The following IL4R variants were observed in gnomAD, a reference collection of about 807,000 sequenced individuals.
IL4R encodes interleukin 4 receptor, also known as interleukin-4 receptor subunit alpha.
Under a neutral mutation model 41.5 loss-of-function variants are expected in IL4R, and 17 were observed. That is an observed-to-expected ratio of 0.41 (90% CI 0.28 to 0.61). The LOEUF (loss-of-function observed/expected upper bound fraction) is 0.61, where lower values mean the gene tolerates loss of function less well. Ranked by LOEUF, IL4R falls within the 20% of genes least tolerant of loss-of-function variation. The probability of loss-of-function intolerance (pLI) is 0.31; values close to 1 mark genes in which losing one functional copy is unlikely to be tolerated. For missense variants in IL4R, 974 were observed against 1,043.1 expected (o/e 0.93, Z 0.91); for synonymous variants, 402 against 422.9 (o/e 0.95, Z 0.61).
At chr16:27,349,786 A>C (rs921126847) in intron 6 of IL4R, among the ~76,000 whole-genome samples, 4 of 152,130 alleles carry the variant, frequency 2.6e-5, no homozygotes, top group African/African-American at 4.8e-5. Context: ...GTCTCACTCT[A>C]TCACCCAGGC....
chr16:27,333,580 A>T (rs2085171822), intron 2 of IL4R, among the ~76,000 whole-genome samples: 1 of 152,068 alleles, frequency 6.6e-6, no homozygotes, highest in Non-Finnish European at 1.5e-5. Context: ...ACCTTTCAGG[A>T]TTCTTGTGTG....
intron 1 of IL4R, among the ~76,000 whole-genome samples, chr16:27,316,095 C>T (rs770594920): frequency 3.9e-5 from 6 of 152,154 alleles, no homozygotes; most frequent in South Asian, 2.1e-4. Flanking sequence ...ACAAGCTGGG[C>T]GCAGTGACTC....
At chr16:27,353,397 G>A (rs2085946939) in intron 7 of IL4R, among the ~76,000 whole-genome samples, 1 of 152,218 alleles carries the variant, frequency 6.6e-6, no homozygotes, top group African/African-American at 2.4e-5. Context: ...TTGAAATGCA[G>A]TTATAAAACA....
chr16:27,342,867 C>T (rs2085488154), intron 4 of IL4R, among the ~76,000 whole-genome samples: 1 of 152,164 alleles, frequency 6.6e-6, no homozygotes, highest in Non-Finnish European at 1.5e-5. Flanking sequence ...ATTACATGAT[C>T]ACAGGTCATG....
intron 1 of IL4R, among the ~76,000 whole-genome samples, chr16:27,322,163 G>A (rs1171461890): frequency 6.7e-6 from 1 of 149,334 alleles, no homozygotes; most frequent in African/African-American, 2.5e-5. Context: ...CACCATAATA[G>A]AGGCTTTGTT....
intron 1 of IL4R, among the ~76,000 whole-genome samples, chr16:27,322,374 G>A (rs189087786): frequency 6.6e-6 from 1 of 152,078 alleles, no homozygotes; most frequent in East Asian, 1.9e-4. Flanking sequence ...ATGGGATTTC[G>A]CTATGTTTCC....
rs1449108872 is a variant in IL4R at position 27,362,656 on chromosome 16, C to T, written c.1304C>T (p.Pro435Leu). 1 of 1,614,126 alleles carries T rather than the reference C, an allele frequency of 6.2e-7. No individual in the cohort carries two copies. The highest frequency in any genetic ancestry group is 1.1e-5 in the South Asian group (1 of 91,090). The change falls in exon 11 of 11, where the codon CCT becomes CTT. Residue 435 changes from proline to leucine, a missense_variant. By Grantham distance (98) the Pro-to-Leu change is moderately conservative (BLOSUM62 -3). Transcript: ENST00000395762. Reference sequence around the variant, plus strand: ...ATGGGGGAGTCATGCCTTCTTCCACCTTCGGGAAGTACGAGTGCTCACATG... The same window carrying T: ...ATGGGGGAGTCATGCCTTCTTCCACTTTCGGGAAGTACGAGTGCTCACATG... ...QDMGESCLLP[P>L]SGSTSAHMPW...
intron 2 of IL4R, among the ~76,000 whole-genome samples, chr16:27,336,210 A>G (rs2085254887): frequency 6.6e-6 from 1 of 152,160 alleles, no homozygotes; most frequent in African/African-American, 2.4e-5. Context: ...AGTTGGGCAA[A>G]GTCATCTAAC....
At chr16:27,358,006 G>T (rs561731441) in intron 8 of IL4R, among the ~76,000 whole-genome samples, 17 of 151,730 alleles carry the variant, frequency 1.1e-4, no homozygotes, top group Admixed American at 6.6e-4. Context: ...CGATTCTCCT[G>T]CCTCAGCCTC....
intron 6 of IL4R, among the ~76,000 whole-genome samples, chr16:27,350,340 C>T (rs1028373123): frequency 6.6e-6 from 1 of 152,110 alleles, no homozygotes; most frequent in African/African-American, 2.4e-5. Flanking sequence ...TGAGAATTTT[C>T]TCTCCCTTCC....
At position 27,363,840 on chromosome 16, in the gene IL4R, C is replaced by T; in HGVS notation, c.*10C>T. 7 of 1,593,700 alleles carry T rather than the reference C, an allele frequency of 4.4e-6. No homozygotes were observed. The highest frequency in any genetic ancestry group is 6.0e-6 in the Non-Finnish European group (7 of 1,175,718). ...CATGAGGGTCTCTTAGGTGCATGTC[C>T]TCTTGTTGCTGAGTCTGCAGATGAG... On this transcript the variant is annotated 3_prime_UTR_variant, in exon 11 of 11. Coordinates refer to ENST00000395762, the MANE Select transcript of IL4R (RefSeq NM_000418.4).
intron 2 of IL4R, among the ~76,000 whole-genome samples, chr16:27,337,064 T>A (rs2141115107): frequency 6.6e-6 from 1 of 151,400 alleles, no homozygotes; most frequent in Non-Finnish European, 1.5e-5. Flanking sequence ...GCAACAAGAG[T>A]GAAACTCTGT....
chr16:27,359,026 A>T, intron 9 of IL4R, 32 bp downstream of exon 9: 1 of 1,523,486 alleles, frequency 6.6e-7, no homozygotes, highest in Non-Finnish European at 9.1e-7. Context: ...GACATGTGGG[A>T]CTGTGTACAT....
chr16:27,332,141 C>T (rs1370783100), intron 2 of IL4R, among the ~76,000 whole-genome samples: 1 of 151,992 alleles, frequency 6.6e-6, no homozygotes, highest in Non-Finnish European at 1.5e-5. Context: ...CCTCTAATAA[C>T]TTTTCTTTAA....
At chr16:27,342,417 A>G (rs2085473386) in intron 4 of IL4R, among the ~76,000 whole-genome samples, 158 bp downstream of exon 4, 1 of 152,126 alleles carries the variant, frequency 6.6e-6, no homozygotes, top group Non-Finnish European at 1.5e-5. Flanking sequence ...CTCCAGGGAC[A>G]TGTTATGTAA....
At position 27,342,381 on chromosome 16, in the gene IL4R, A is replaced by G. The variant is rs560227875; in HGVS notation, c.209+122A>G. On this transcript the variant is annotated intron_variant, in intron 4 of 10. Coordinates refer to ENST00000395762, the MANE Select transcript of IL4R (RefSeq NM_000418.4). The stretch of plus-strand genomic sequence containing the variant: ...TGCTGAGTATGGTTTGCTGCTGTTT[A>G]TATGGTGTTAGAGGGGAGGTCCCAT... 53 of 1,231,168 alleles carry G rather than the reference A, an allele frequency of 4.3e-5. No individual in the cohort carries two copies. In the African/African-American group the frequency reaches 7.8e-4, roughly 18 times the overall value. The allele number at this position is 1,231,168 out of a possible 1,614,324, so 76.3% of individuals were successfully genotyped here. A position where few individuals can be genotyped will look rare whatever the true frequency, so the allele number is the denominator to read the frequency against.
At chr16:27,338,205 T>A (rs2085321245) in intron 2 of IL4R, among the ~76,000 whole-genome samples, 1 of 151,752 alleles carries the variant, frequency 6.6e-6, no homozygotes, top group Non-Finnish European at 1.5e-5. Flanking sequence ...TCCGCCCACC[T>A]CAGCCTCCCA....
chr16:27,360,640 GT>G, intron 9 of IL4R, 125 bp from the exon 10 acceptor site: 1 of 1,123,336 alleles, frequency 8.9e-7, no homozygotes, highest in African/African-American at 1.5e-5. Flanking sequence ...CTCAGAAAGC[GT>G]AAGTGACCTG....
intron 7 of IL4R, 139 bp downstream of exon 7, chr16:27,352,835 G>T: frequency 1.2e-6 from 1 of 846,336 alleles, no homozygotes. Context: ...AGATACACCT[G>T]CCGTGGTGTA....
Sources: gnomAD v4.1 joint callset for allele counts (sites outside exome capture counted in the v4.1 genomes callset) on GRCh38, gnomAD v4.1.1 for gene constraint, MANE v1.5 for transcripts, NCBI Gene and HGNC (gene_info 2026-07-23, HGNC 2026-07-21) for gene names.